Variants in SYNE3 observed in about 807,000 individuals in gnomAD.
SYNE3 encodes nesprin-3.
Under a neutral mutation model 111.2 loss-of-function variants are expected in SYNE3, and 100 were observed. The observed-to-expected ratio is 0.90, with a 90% CI of 0.77 to 1.06. The LOEUF is 1.06. Ranked by LOEUF, SYNE3 falls within the 50% of genes least tolerant of loss-of-function variation. SYNE3 has a pLI of 0.00. For synonymous variants in SYNE3, 547 were observed against 533.9 expected, an observed-to-expected ratio of 1.02 and a Z score of -0.34; for missense variants, 1,160 against 1,240.3, an observed-to-expected ratio of 0.94 and a Z score of 0.97.
At chr14:95,456,005 A>G in intron 5 of SYNE3, 3 of 442,210 alleles carry the variant, frequency 6.8e-6, no homozygotes, top group African/African-American at 3.9e-5. Flanking sequence ...ACTTTCTGAC[A>G]TTTGTTTATC....
At chr14:95,495,713 C>A (rs1377678714) in intron 1 of SYNE3, among the ~76,000 whole-genome samples, 8 of 152,230 alleles carry the variant, frequency 5.3e-5, no homozygotes, top group Non-Finnish European at 1.2e-4. Flanking sequence ...AAAATGTCGG[C>A]AGAATGAGGA....
chr14:95,455,747 G>A (rs1018507792), intron 5 of SYNE3, 23 bp from the exon 6 acceptor site: 6 of 1,604,976 alleles, frequency 3.7e-6, no homozygotes, highest in Admixed American at 1.7e-5. Flanking sequence ...GAGGGGTGAG[G>A]GAAAAACAGG....
chr14:95,429,688 C>T (rs1198241742), intron 17 of SYNE3, among the ~76,000 whole-genome samples: 1 of 152,138 alleles, frequency 6.6e-6, no homozygotes, highest in African/African-American at 2.4e-5. Flanking sequence ...CCCAAGTAAG[C>T]AGATTCTTTA....
At chr14:95,433,079 C>T (rs575174878) in intron 16 of SYNE3, among the ~76,000 whole-genome samples, 181 bp downstream of exon 16, 16 of 152,270 alleles carry the variant, frequency 1.1e-4, no homozygotes, top group Admixed American at 6.5e-4. Context: ...GGCCAAATGG[C>T]GTCACCTAAG....
At position 95,494,181 on chromosome 14, in the gene SYNE3, T is replaced by A. The variant is rs571805929; in HGVS notation, c.-14-18346A>T. Among the ~76,000 whole-genome samples, 5 of 152,100 alleles carry A rather than the reference T, an allele frequency of 3.3e-5. No homozygotes were observed. In the South Asian group the frequency reaches 8.3e-4, roughly 25 times the overall value. ...AGACCATTTGACTTCCACATCCAGA[T>A]GTGCCTGGCGCGGTGCCACTAGGGC... is the stretch of plus-strand genomic sequence containing the variant. On this transcript the variant is annotated intron_variant, in intron 1 of 17. Transcript: ENST00000682763.
At chr14:95,446,832 G>C (rs1886748336) in intron 8 of SYNE3, among the ~76,000 whole-genome samples, 4 of 152,144 alleles carry the variant, frequency 2.6e-5, no homozygotes, top group Admixed American at 2.6e-4. Context: ...CCCATTCCCA[G>C]CCTACAATCA....
At chr14:95,446,280 C>T (rs113024951) in intron 8 of SYNE3, among the ~76,000 whole-genome samples, 189 bp from the exon 9 acceptor site, 4,310 of 152,254 alleles carry the variant, frequency 0.028, 206 homozygotes, top group African/African-American at 0.098. Flanking sequence ...CCCTGAGTTT[C>T]GGGGTCAACT....
Position 95,439,931 on chromosome 14 carries a change from GGGACTCGGCATCCCC to G in SYNE3, c.2041_2055del (p.Gly681_Ser685del). ...CGCCTTACCTCAAACTCGGCCTCTTGGGACTCGGCATCCCCCGGGCCCGCCTCTCCCCGGTGTGCC... is the reference window on the plus strand; with the variant it reads ...CGCCTTACCTCAAACTCGGCCTCTTGCGGGCCCGCCTCTCCCCGGTGTGCC... On this transcript the variant is annotated inframe_deletion, in exon 12 of 18. Transcript: ENST00000682763. 1 of 1,612,820 alleles carries G rather than the reference GGGACTCGGCATCCCC, an allele frequency of 6.2e-7. No homozygotes were observed. Among genetic ancestry groups the G allele is most frequent in the Non-Finnish European group, 8.5e-7 (1 of 1,179,316 alleles).
intron 8 of SYNE3, among the ~76,000 whole-genome samples, chr14:95,447,616 G>A (rs7158617): frequency 0.15 from 22,902 of 152,182 alleles, 2,404 homozygotes; most frequent in Admixed American, 0.32. Context: ...CAGCTGTACT[G>A]GCATGACCTG....
At chr14:95,471,915 C>CAAG (rs1888553676) in intron 2 of SYNE3, among the ~76,000 whole-genome samples, 2 of 152,146 alleles carry the variant, frequency 1.3e-5, no homozygotes, top group Admixed American at 1.3e-4. Context: ...CAGGGTTTTC[C>CAAG]CTCAACCCAG....
chr14:95,438,983 TTGACCTGGGGCC>T, intron 14 of SYNE3, 38 bp downstream of exon 14: 1 of 1,608,746 alleles, frequency 6.2e-7, no homozygotes, highest in Admixed American at 1.7e-5. Context: ...TACCCACCTC[TTGACCTGGGGCC>T]TGGCCCCTTC....
intron 17 of SYNE3, among the ~76,000 whole-genome samples, chr14:95,425,711 G>C (rs1885392846): frequency 6.6e-6 from 1 of 152,114 alleles, no homozygotes; most frequent in South Asian, 2.1e-4. Context: ...GAGGTCTATG[G>C]GAATACTTTG....
intron 14 of SYNE3, chr14:95,438,653 A>G (rs1022735033): frequency 1.0e-5 from 2 of 196,260 alleles, no homozygotes; most frequent in African/African-American, 2.3e-5. Context: ...TGGATGAAAC[A>G]TGGCAGAAAA....
chr14:95,437,359 T>C (rs534729750), intron 14 of SYNE3, among the ~76,000 whole-genome samples: 9 of 152,324 alleles, frequency 5.9e-5, no homozygotes, highest in African/African-American at 2.2e-4. Flanking sequence ...CTCTCACTAC[T>C]CCCCAGTGTG....
In SYNE3 at chr14:95,414,938, A is replaced by T. The variant is rs530813883; in HGVS notation, c.*2888T>A. ...ATACTGAAAATATCAATTCTTTTTTAAAAAACAGTTATGCAAACAAACAGA... is the reference window on the plus strand; with the variant it reads ...ATACTGAAAATATCAATTCTTTTTTTAAAAACAGTTATGCAAACAAACAGA... On this transcript the variant is annotated 3_prime_UTR_variant, in exon 18 of 18. Coordinates refer to ENST00000682763, the MANE Select transcript of SYNE3 (RefSeq NM_152592.6). 1.4e-4 allele frequency: 21 copies of T among 152,256 alleles called. No homozygotes were observed. The highest frequency in any genetic ancestry group is 4.8e-4 in the African/African-American group (20 of 41,550). The allele number at this position is 152,256 out of a possible 1,614,324, so 9.4% of individuals were successfully genotyped here.
intron 1 of SYNE3, among the ~76,000 whole-genome samples, chr14:95,506,087 G>A (rs1890517588): frequency 6.6e-6 from 1 of 152,184 alleles, no homozygotes; most frequent in Non-Finnish European, 1.5e-5. Flanking sequence ...TAAAAAAAAT[G>A]GAGGGGAGAT....
At chr14:95,477,594 G>T (rs1376535311) in intron 1 of SYNE3, among the ~76,000 whole-genome samples, 1 of 152,218 alleles carries the variant, frequency 6.6e-6, no homozygotes, top group Non-Finnish European at 1.5e-5. Context: ...GAACCCACAA[G>T]AGAGAAGGAG....
At chr14:95,460,010 T>A (rs1887690760) in intron 4 of SYNE3, among the ~76,000 whole-genome samples, 1 of 151,858 alleles carries the variant, frequency 6.6e-6, no homozygotes, top group Non-Finnish European at 1.5e-5. Flanking sequence ...GGCAGGAGGA[T>A]CGCTTGAGCC....
rs1178632018 is a variant in SYNE3, at chr14:95,470,718, G to A, written c.145-2751C>T. Among the ~76,000 whole-genome samples the A allele has an allele frequency of 1.3e-5, 2 of 152,202 alleles. No individual in the cohort carries two copies. Among genetic ancestry groups the A allele is most frequent in the Non-Finnish European group, 2.9e-5 (2 of 68,040 alleles). On this transcript the variant is annotated intron_variant, in intron 2 of 17. Coordinates refer to ENST00000682763, the MANE Select transcript of SYNE3 (RefSeq NM_152592.6). The surrounding 1 kb of genome is among the most constrained non-coding windows in gnomAD (Gnocchi z 4.2). ...CTCACGCCTGTAATCCCAACACTTT[G>A]GGAGGCCGAGGCGGACAGATCACGA...
Sources: allele counts gnomAD v4.1 joint callset (sites outside exome capture counted in the v4.1 genomes callset), GRCh38; gene constraint gnomAD v4.1.1; non-coding constraint Gnocchi (gnomAD v3.1); transcripts MANE v1.5; gene names NCBI Gene and HGNC (gene_info 2026-07-23, HGNC 2026-07-21).